The following CUX1 variants were observed in gnomAD, a reference collection of about 807,000 sequenced individuals.
CUX1 encodes protein CASP.
A neutral mutation model predicts 158.8 loss-of-function variants in CUX1; 31 were observed. The ratio of observed to expected loss-of-function variants is 0.20; its 90% confidence interval spans 0.15 to 0.26. The LOEUF (loss-of-function observed/expected upper bound fraction) is 0.26. CUX1 is among the 10% of genes least tolerant of loss of function. The pLI is 1.00. For synonymous variants in CUX1, 879 were observed against 862.1 expected (o/e 1.02, Z -0.34); for missense variants, 1,589 against 2,014.6 (o/e 0.79, Z 4.04).
intron 1 of CUX1, among the ~76,000 whole-genome samples, chr7:101,902,557 C>T (rs920155162): frequency 6.6e-6 from 1 of 152,224 alleles, no homozygotes; most frequent in Non-Finnish European, 1.5e-5. Flanking sequence ...AGTTCCCATT[C>T]ATCCCTCTCA....
chr7:102,013,902 G>A (rs369392416), intron 2 of CUX1, among the ~76,000 whole-genome samples: 3 of 151,842 alleles, frequency 2.0e-5, no homozygotes, highest in Admixed American at 1.3e-4. Flanking sequence ...ACAGGGTCTC[G>A]CCATGTTGCC....
chr7:102,098,694 T>C (rs1554485169), intron 5 of CUX1, among the ~76,000 whole-genome samples: 1 of 149,546 alleles, frequency 6.7e-6, no homozygotes, highest in South Asian at 2.1e-4. Flanking sequence ...CAGGCTGGAG[T>C]GCAGTGCACG....
At chr7:102,142,081 G>T (rs1171718094) in intron 8 of CUX1, among the ~76,000 whole-genome samples, 1 of 152,112 alleles carries the variant, frequency 6.6e-6, no homozygotes, top group Non-Finnish European at 1.5e-5. Flanking sequence ...CCACTGCGCC[G>T]CCCTGCACCT....
chr7:102,012,675 G>A (rs1472197450), intron 2 of CUX1, among the ~76,000 whole-genome samples: 2 of 146,630 alleles, frequency 1.4e-5, no homozygotes. Flanking sequence ...ATACATTCCC[G>A]TGTCCACTCT....
chr7:101,825,838 T>A (rs1264603938), intron 1 of CUX1, among the ~76,000 whole-genome samples: 1 of 151,714 alleles, frequency 6.6e-6, no homozygotes, highest in Non-Finnish European at 1.5e-5. Context: ...CTGCTTATTG[T>A]GTGTGAGAGC....
At chr7:102,125,265 A>G (rs571021303) in intron 8 of CUX1, among the ~76,000 whole-genome samples, 20 of 152,300 alleles carry the variant, frequency 1.3e-4, no homozygotes, top group African/African-American at 2.9e-4. Flanking sequence ...AGCCTGCCCA[A>G]TGAGGACGTT....
chr7:101,945,547 G>A (rs1000403334), intron 2 of CUX1, among the ~76,000 whole-genome samples: 33 of 152,202 alleles, frequency 2.2e-4, no homozygotes, highest in Non-Finnish European at 8.8e-5. Flanking sequence ...CGGGGAGGCA[G>A]GTCATAGTCC....
chr7:102,047,436 G>C (rs1313037619), intron 3 of CUX1, among the ~76,000 whole-genome samples: 1 of 150,128 alleles, frequency 6.7e-6, no homozygotes, highest in Non-Finnish European at 1.5e-5. Flanking sequence ...TGGATGATTG[G>C]ATAAAGGGAT....
rs782458793 is a variant in CUX1, at chr7:102,198,884, C to T, written c.1960+17C>T. On this transcript the variant is annotated intron_variant, in intron 16 of 23. Coordinates refer to ENST00000292535, the MANE Select transcript of CUX1 (RefSeq NM_181552.4). The stretch of plus-strand genomic sequence containing the variant: ...GGTCTGAAGGTATGTTGCAGGCAGG[C>T]GTTTTCTTTGCAGTCAGTCACCTAG... The T allele has an allele frequency of 5.5e-5, 89 of 1,612,476 alleles. No individual in the cohort carries two copies. Among genetic ancestry groups the T allele is most frequent in the Admixed American group, 1.8e-4 (11 of 59,996 alleles).
chr7:101,835,071 G>C (rs896120835), intron 1 of CUX1, among the ~76,000 whole-genome samples: 1 of 151,926 alleles, frequency 6.6e-6, no homozygotes, highest in African/African-American at 2.4e-5. Flanking sequence ...TCACAATGTC[G>C]TGCAGCCATC....
chr7:102,257,243 G>C lies in CUX1; in HGVS notation c.*8201G>C. Reference sequence around the variant, plus strand: ...CTTCTCCAAGATTGCCGGGGGCCCTGATTTTGTTCTCTCTTTGAAAGAAAC... The same window carrying C: ...CTTCTCCAAGATTGCCGGGGGCCCTCATTTTGTTCTCTCTTTGAAAGAAAC... On this transcript the variant is annotated 3_prime_UTR_variant, in exon 24 of 24. Coordinates refer to ENST00000292535, the MANE Select transcript of CUX1 (RefSeq NM_181552.4). 2.0e-6 allele frequency: 2 copies of C among 984,932 alleles called. No individual in the cohort carries two copies. Among genetic ancestry groups the C allele is most frequent in the Non-Finnish European group, 2.4e-6 (2 of 829,870 alleles). The allele number at this position is 984,932 out of a possible 1,614,324, so 61.0% of individuals were successfully genotyped here.
At chr7:102,084,168 G>A (rs1827724317) in intron 4 of CUX1, among the ~76,000 whole-genome samples, 1 of 144,266 alleles carries the variant, frequency 6.9e-6, no homozygotes, top group Non-Finnish European at 1.5e-5. Context: ...TTACAGGTGC[G>A]AGATTAAAGT....
intron 1 of CUX1, among the ~76,000 whole-genome samples, chr7:101,821,056 T>C (rs1792418210): frequency 6.6e-6 from 1 of 152,188 alleles, no homozygotes; most frequent in Non-Finnish European, 1.5e-5. Flanking sequence ...TGTGTGCCGA[T>C]AATGGAGTGA....
chr7:102,192,471 G>A (rs1242067336), intron 12 of CUX1, among the ~76,000 whole-genome samples: 1 of 152,176 alleles, frequency 6.6e-6, no homozygotes, highest in Admixed American at 6.5e-5. Context: ...AAAGAGCCAC[G>A]TGGTCTTTTA....
chr7:101,981,853 TG>T (rs1813488597), intron 2 of CUX1, among the ~76,000 whole-genome samples: 2 of 152,156 alleles, frequency 1.3e-5, no homozygotes, highest in African/African-American at 4.8e-5. Context: ...TCAAGTGATC[TG>T]CCGCCTTGGC....
chr7:102,280,902 G>A, intron 20 of CUX1: 2 of 1,586,062 alleles, frequency 1.3e-6, no homozygotes, highest in Non-Finnish European at 8.6e-7. Context: ...GGACAGGCCT[G>A]AGCCTCTGTC....
At chr7:102,014,642 C>T (rs1341701986) in intron 2 of CUX1, among the ~76,000 whole-genome samples, 1 of 152,118 alleles carries the variant, frequency 6.6e-6, no homozygotes, top group East Asian at 1.9e-4. Flanking sequence ...TTTGTTTCTC[C>T]TTCGCCTGCT....
chr7:102,019,381 C>G (rs374325025), intron 2 of CUX1, among the ~76,000 whole-genome samples: 1 of 152,124 alleles, frequency 6.6e-6, no homozygotes, highest in Non-Finnish European at 1.5e-5. Context: ...CATGCCACCA[C>G]GCCTGGCTAA....
chr7:101,954,664 G>T (rs1382140983), intron 2 of CUX1, among the ~76,000 whole-genome samples: 1 of 152,002 alleles, frequency 6.6e-6, no homozygotes, highest in Non-Finnish European at 1.5e-5. Flanking sequence ...GGCATTTGCA[G>T]TGCAGCCACC....
Sources: allele counts gnomAD v4.1 joint callset (sites outside exome capture counted in the v4.1 genomes callset), GRCh38; gene constraint gnomAD v4.1.1; transcripts MANE v1.5; gene names NCBI Gene and HGNC (gene_info 2026-07-23, HGNC 2026-07-21).